The following TENM2 variants were observed in gnomAD, a reference collection of about 807,000 sequenced individuals.
TENM2 encodes teneurin transmembrane protein 2, also known as teneurin-2.
A neutral mutation model predicts 245.2 loss-of-function variants in TENM2; 52 were observed. The observed-to-expected ratio is 0.21, with a 90% CI of 0.17 to 0.27. TENM2 has a LOEUF of 0.27. TENM2 is among the 10% of genes least tolerant of loss of function. The probability of loss-of-function intolerance (pLI) is 1.00; values close to 1 mark genes in which losing one functional copy is unlikely to be tolerated. For synonymous variants in TENM2, 1,363 were observed against 1,438.9 expected (o/e 0.95, Z 1.19); for missense variants, 3,046 against 3,666.8 (o/e 0.83, Z 4.37).
At chr5:167,394,968 T>G (rs1042465221) in intron 2 of TENM2, among the ~76,000 whole-genome samples, 6 of 152,206 alleles carry the variant, frequency 3.9e-5, no homozygotes, top group Admixed American at 1.3e-4. Context: ...GCTTTGGCTT[T>G]GAACCAAGAT....
At chr5:167,636,949 C>T (rs934249258) in intron 2 of TENM2, among the ~76,000 whole-genome samples, 5 of 152,126 alleles carry the variant, frequency 3.3e-5, no homozygotes, top group Admixed American at 6.6e-5. Flanking sequence ...AGCTAAGAAA[C>T]GGGCTGGACT....
At chr5:168,160,550 A>C (rs1018396446) in intron 12 of TENM2, among the ~76,000 whole-genome samples, 11 of 152,168 alleles carry the variant, frequency 7.2e-5, no homozygotes, top group African/African-American at 2.7e-4. Flanking sequence ...TTCCCTAGGG[A>C]CTGGCCCACA....
the TENM2 span, among the ~76,000 whole-genome samples, chr5:167,012,208 A>C: frequency 6.6e-6 from 1 of 152,162 alleles, no homozygotes; most frequent in African/African-American, 2.4e-5. Context: ...TATAACTTCC[A>C]AGTATGCCCT....
chr5:167,737,916 A>G (rs924346310), intron 2 of TENM2, among the ~76,000 whole-genome samples: 3 of 152,206 alleles, frequency 2.0e-5, no homozygotes, highest in Non-Finnish European at 4.4e-5. Context: ...TCTTCTCCAG[A>G]CAGTTCTATA....
intron 2 of TENM2, among the ~76,000 whole-genome samples, chr5:167,461,885 T>C (rs1001625678): frequency 1.1e-4 from 17 of 152,210 alleles, no homozygotes; most frequent in Non-Finnish European, 1.5e-5. Context: ...TGCTTGTTGA[T>C]CATATTAGTG....
intron 2 of TENM2, among the ~76,000 whole-genome samples, chr5:167,621,853 G>C (rs971458141): frequency 6.6e-6 from 1 of 152,142 alleles, no homozygotes; most frequent in Admixed American, 6.6e-5. Flanking sequence ...TATGAATTTG[G>C]AATTTCTGAG....
At chr5:167,136,969 G>C in the TENM2 span, among the ~76,000 whole-genome samples, 12 of 152,270 alleles carry the variant, frequency 7.9e-5, no homozygotes, top group Admixed American at 7.2e-4. Flanking sequence ...CTAGAGGCTG[G>C]GAAGTCCAAG....
chr5:168,253,828 C>T (rs1220245253), intron 27 of TENM2, among the ~76,000 whole-genome samples: 9 of 152,166 alleles, frequency 5.9e-5, no homozygotes, highest in African/African-American at 1.4e-4. Context: ...ATGTGGAGAA[C>T]GGTCTCCCGA....
the TENM2 span, among the ~76,000 whole-genome samples, chr5:167,070,643 A>G: frequency 6.6e-6 from 1 of 151,966 alleles, no homozygotes; most frequent in Non-Finnish European, 1.5e-5. Context: ...TATTATCCCT[A>G]TCTTGCCCAG....
At chr5:167,927,585 G>A (rs1777861102) in intron 3 of TENM2, among the ~76,000 whole-genome samples, 1 of 152,134 alleles carries the variant, frequency 6.6e-6, no homozygotes, top group African/African-American at 2.4e-5. Context: ...GCTGCACATA[G>A]GGAGGGAGGG....
intron 5 of TENM2, among the ~76,000 whole-genome samples, chr5:168,011,776 G>C (rs2617963): frequency 0.41 from 61,854 of 151,988 alleles, 14,115 homozygotes; most frequent in African/African-American, 0.62. Context: ...GAAAAGTACC[G>C]CTGAATGTAA....
intron 25 of TENM2, among the ~76,000 whole-genome samples, chr5:168,240,289 G>T (rs1316506005): frequency 6.6e-6 from 1 of 152,318 alleles, no homozygotes; most frequent in East Asian, 1.9e-4. Flanking sequence ...CGTGGAGCCA[G>T]CCGAGCAGCA....
intron 2 of TENM2, among the ~76,000 whole-genome samples, chr5:167,545,030 A>G (rs1772463846): frequency 6.6e-6 from 1 of 152,150 alleles, no homozygotes; most frequent in Admixed American, 6.5e-5. Context: ...GTCATTGAAA[A>G]TATTTTCTAT....
At chr5:167,998,997 A>G (rs1359384602) in intron 5 of TENM2, among the ~76,000 whole-genome samples, 1 of 152,208 alleles carries the variant, frequency 6.6e-6, no homozygotes, top group Admixed American at 6.5e-5. Context: ...CTCTGCTGCT[A>G]TTTTGTGTAT....
At chr5:167,986,913 T>G (rs1408484899) in intron 4 of TENM2, among the ~76,000 whole-genome samples, 2 of 152,224 alleles carry the variant, frequency 1.3e-5, no homozygotes. Context: ...TGCTTCATTT[T>G]ATTTGATTTT....
chr5:167,153,110 C>CAT, the TENM2 span, among the ~76,000 whole-genome samples: 1 of 151,614 alleles, frequency 6.6e-6, no homozygotes, highest in African/African-American at 2.4e-5. Context: ...CACACACACA[C>CAT]ACACACACAC....
Position 168,247,872 on chromosome 5 carries a change from C to G in TENM2, c.6933C>G (p.Tyr2311Ter). 6.2e-7 allele frequency: 1 copy of G among 1,613,992 alleles called. No individual in the cohort carries two copies. The highest frequency in any genetic ancestry group is 8.5e-7 in the Non-Finnish European group (1 of 1,179,894). The change falls in exon 27 of 29, where the codon TAC becomes TAG. Residue 2311 changes from tyrosine to a stop codon, truncating the protein, a stop_gained. Coordinates refer to ENST00000518659, the Ensembl canonical transcript of TENM2. LOFTEE classifies it high-confidence loss of function. This position sits in a 1 kb window ranked among gnomAD's most constrained non-coding sequence, Gnocchi z 7.8. ...ATGGCGTAGGACGGCGGGCTTCCTA[C>G]AAGACCAACCTGGGCCACCACCTGC...
At chr5:167,282,888 C>T (rs1483124281), upstream of TENM2, among the ~76,000 whole-genome samples, 1 of 152,072 alleles carries the variant, frequency 6.6e-6, no homozygotes, top group East Asian at 1.9e-4. Context: ...ACTTAATGTC[C>T]TCTAAGCAGG....
chr5:167,011,655 G>C, the TENM2 span, among the ~76,000 whole-genome samples: 5 of 152,158 alleles, frequency 3.3e-5, no homozygotes, highest in Admixed American at 3.3e-4. Context: ...ATGTTTGGGA[G>C]TACCCCTTGT....
Sources: allele counts gnomAD v4.1 joint callset (sites outside exome capture counted in the v4.1 genomes callset), GRCh38; gene constraint gnomAD v4.1.1; non-coding constraint Gnocchi (gnomAD v3.1); transcripts MANE v1.5; gene names NCBI Gene and HGNC (gene_info 2026-07-23, HGNC 2026-07-21).